CPAP: variants seen among roughly 807,000 people sequenced by gnomAD.
CPAP encodes the protein centrosomal P4.1-associated protein.
At chr13:24,912,853 C>A in the CPAP span, 1 of 1,614,078 alleles carries the variant, frequency 6.2e-7, no homozygotes, top group South Asian at 1.1e-5. Flanking sequence ...AAAATGTGTG[C>A]CTTTAATAGG....
chr13:24,921,938 T>G, the CPAP span, among the ~76,000 whole-genome samples: 1 of 152,202 alleles, frequency 6.6e-6, no homozygotes, highest in Non-Finnish European at 1.5e-5. Context: ...CTGCTACTTA[T>G]TATTGATACT....
the CPAP span, chr13:24,906,331 T>C: frequency 1.2e-6 from 2 of 1,608,608 alleles, no homozygotes; most frequent in South Asian, 1.1e-5. Context: ...AATTTTCCTT[T>C]TCCTTTTCTC....
chr13:24,932,233 G>C, the CPAP span, among the ~76,000 whole-genome samples: 33 of 152,228 alleles, frequency 2.2e-4, no homozygotes, highest in Non-Finnish European at 4.4e-4. Context: ...TTCTTTGAGG[G>C]AGGCTGTTAG....
the CPAP span, among the ~76,000 whole-genome samples, chr13:24,892,017 C>T: frequency 6.6e-6 from 1 of 152,182 alleles, no homozygotes; most frequent in Non-Finnish European, 1.5e-5. Flanking sequence ...CTCCGAAGGT[C>T]TCGTCACCAT....
chr13:24,907,867 C>CAA, the CPAP span: 4 of 613,822 alleles, frequency 6.5e-6, no homozygotes, highest in Admixed American at 1.1e-4. Context: ...TTGTTGTTGA[C>CAA]AGTACATAAT....
the CPAP span, chr13:24,899,366 A>G: frequency 7.1e-7 from 1 of 1,418,320 alleles, no homozygotes; most frequent in Non-Finnish European, 9.9e-7. Flanking sequence ...AGATGCTTAC[A>G]AGATTGTCAC....
the CPAP span, among the ~76,000 whole-genome samples, chr13:24,900,990 A>G: frequency 4.6e-5 from 7 of 152,168 alleles, no homozygotes; most frequent in Non-Finnish European, 5.9e-5. Flanking sequence ...ATCAATTTAA[A>G]CACTCATCAG....
the CPAP span, chr13:24,903,796 T>C: frequency 1.2e-5 from 13 of 1,068,928 alleles, no homozygotes; most frequent in Non-Finnish European, 1.7e-5. Flanking sequence ...ACTTATATGA[T>C]ACAGATTTCA....
chr13:24,906,573 T>A, the CPAP span: 1 of 1,614,234 alleles, frequency 6.2e-7, no homozygotes, highest in Non-Finnish European at 8.5e-7. Flanking sequence ...TCAAATTTGA[T>A]CTGGTCTCTA....
At chr13:24,929,851 T>C in the CPAP span, among the ~76,000 whole-genome samples, 1 of 152,112 alleles carries the variant, frequency 6.6e-6, no homozygotes, top group African/African-American at 2.4e-5. Flanking sequence ...GTTTTCAAGT[T>C]TGCTCATTCC....
chr13:24,912,359 C>A, the CPAP span, among the ~76,000 whole-genome samples: 1 of 152,190 alleles, frequency 6.6e-6, no homozygotes, highest in African/African-American at 2.4e-5. Flanking sequence ...AATACTTGAT[C>A]AACCATTTCT....
At chr13:24,892,363 G>C in the CPAP span, among the ~76,000 whole-genome samples, 33,477 of 152,048 alleles carry the variant, frequency 0.22, 4,167 homozygotes, top group Non-Finnish European at 0.29. Flanking sequence ...TTTTAGTTGT[G>C]GTAAAATAGA....
chr13:24,887,304 C>T, the CPAP span, among the ~76,000 whole-genome samples: 2 of 152,200 alleles, frequency 1.3e-5, no homozygotes, highest in Admixed American at 1.3e-4. Context: ...CCAAACCCCA[C>T]GGTATACTGG....
chr13:24,921,929 T>G, the CPAP span, among the ~76,000 whole-genome samples: 1 of 152,152 alleles, frequency 6.6e-6, no homozygotes, highest in Non-Finnish European at 1.5e-5. Flanking sequence ...CACCAGAACC[T>G]GCTACTTATT....
the CPAP span, chr13:24,906,794 A>G: frequency 6.2e-7 from 1 of 1,614,098 alleles, no homozygotes; most frequent in African/African-American, 1.3e-5. Context: ...CTGTCTATCC[A>G]TTTTAAACAG....
chr13:24,907,453 G>A, the CPAP span, among the ~76,000 whole-genome samples: 1 of 152,082 alleles, frequency 6.6e-6, no homozygotes, highest in African/African-American at 2.4e-5. Context: ...AACACATGGA[G>A]TAACATATTC....
chr13:24,932,033 G>T, the CPAP span, among the ~76,000 whole-genome samples: 1 of 152,224 alleles, frequency 6.6e-6, no homozygotes, highest in Non-Finnish European at 1.5e-5. Context: ...GCGCCTTCTG[G>T]CGACGGTCCC....
the CPAP span, among the ~76,000 whole-genome samples, chr13:24,899,905 T>A: frequency 2.0e-5 from 3 of 151,344 alleles, no homozygotes; most frequent in Admixed American, 1.3e-4. Context: ...AAGGTTATAA[T>A]GAGCTGTGAT....
At chr13:24,901,412 C>A in the CPAP span, among the ~76,000 whole-genome samples, 1 of 152,182 alleles carries the variant, frequency 6.6e-6, no homozygotes, top group African/African-American at 2.4e-5. Flanking sequence ...TGAAAGACTG[C>A]TAACGCTCAA....
Sources: gnomAD v4.1 joint callset for allele counts (sites outside exome capture counted in the v4.1 genomes callset) on GRCh38, gnomAD v4.1.1 for gene constraint, MANE v1.5 for transcripts, NCBI Gene and HGNC (gene_info 2026-07-23, HGNC 2026-07-21) for gene names.